SLC35F3: variants seen among roughly 807,000 people sequenced by gnomAD.
SLC35F3 encodes putative thiamine transporter SLC35F3.
Under a neutral mutation model 49.9 loss-of-function variants are expected in SLC35F3, and 25 were observed. The observed-to-expected ratio is 0.50, with a 90% CI of 0.37 to 0.70. The LOEUF (loss-of-function observed/expected upper bound fraction) is 0.70, where lower values mean the gene tolerates loss of function less well. Ranked by LOEUF, SLC35F3 falls within the 30% of genes least tolerant of loss-of-function variation. SLC35F3 has a pLI of 0.00. For synonymous variants in SLC35F3, 275 were observed against 265.4 expected, an observed-to-expected ratio of 1.04 and a Z score of -0.35; for missense variants, 525 against 639.8, an observed-to-expected ratio of 0.82 and a Z score of 1.94.
intron 2 of SLC35F3, among the ~76,000 whole-genome samples, chr1:234,145,713 G>T (rs1400938222): frequency 6.6e-6 from 1 of 152,070 alleles, no homozygotes; most frequent in African/African-American, 2.4e-5. Context: ...GTATACAGAA[G>T]ATATGCATGG....
At chr1:234,039,911 A>G (rs1664196193) in intron 2 of SLC35F3, among the ~76,000 whole-genome samples, 1 of 152,194 alleles carries the variant, frequency 6.6e-6, no homozygotes, top group Non-Finnish European at 1.5e-5. Flanking sequence ...GCAATGTGTT[A>G]TCAGCTCAGT....
At chr1:233,929,535 T>C (rs1411662482) in intron 2 of SLC35F3, among the ~76,000 whole-genome samples, 3 of 152,180 alleles carry the variant, frequency 2.0e-5, no homozygotes, top group Non-Finnish European at 2.9e-5. Context: ...CTTACCACTC[T>C]TTTTCCTTTT....
chr1:233,966,001 G>A (rs896294234), intron 2 of SLC35F3, among the ~76,000 whole-genome samples: 45 of 152,270 alleles, frequency 3.0e-4, no homozygotes, highest in African/African-American at 1.1e-3. Flanking sequence ...TCCATGGTCT[G>A]GGGCTTGGCT....
At chr1:233,929,470 C>A (rs1239257246) in intron 2 of SLC35F3, among the ~76,000 whole-genome samples, 2 of 152,172 alleles carry the variant, frequency 1.3e-5, no homozygotes, top group African/African-American at 4.8e-5. Context: ...CACTACTTTA[C>A]CCCGATCCTA....
chr1:234,018,994 A>G (rs561039119), intron 2 of SLC35F3, among the ~76,000 whole-genome samples: 1 of 152,370 alleles, frequency 6.6e-6, no homozygotes, highest in Admixed American at 6.5e-5. Flanking sequence ...TGAAGATAGA[A>G]GAGCAATGCT....
intron 2 of SLC35F3, among the ~76,000 whole-genome samples, chr1:233,910,803 C>T (rs936627408): frequency 1.3e-5 from 2 of 152,198 alleles, no homozygotes; most frequent in Non-Finnish European, 2.9e-5. Flanking sequence ...CTATTATTCA[C>T]TACAGGTTCT....
chr1:234,044,843 T>C (rs998914945), intron 2 of SLC35F3, among the ~76,000 whole-genome samples: 1 of 152,162 alleles, frequency 6.6e-6, no homozygotes, highest in African/African-American at 2.4e-5. Context: ...GTGGTAGTTA[T>C]CATATGTTTT....
intron 2 of SLC35F3, among the ~76,000 whole-genome samples, chr1:234,109,064 G>A (rs530247077): frequency 6.6e-6 from 1 of 152,098 alleles, no homozygotes; most frequent in African/African-American, 2.4e-5. Context: ...TGACCATCCT[G>A]ATAGGCAGCC....
At position 234,298,926 on chromosome 1, in the gene SLC35F3, G is replaced by A. The variant is rs566826007; in HGVS notation, c.609-10175G>A. ...CCAGGATCCAGAGTGAAGGGACACA[G>A]AGGAGGGCAGCCATACATTTGCTGG... On this transcript the variant is annotated intron_variant, in intron 3 of 7. Coordinates refer to ENST00000366618, the MANE Select transcript of SLC35F3 (RefSeq NM_173508.4). Among the ~76,000 whole-genome samples, 5 of 152,352 alleles carry A rather than the reference G, an allele frequency of 3.3e-5. No individual in the cohort carries two copies. In the South Asian group the frequency reaches 1.0e-3, roughly 32 times the overall value.
At chr1:234,103,914 C>T (rs1359282374) in intron 2 of SLC35F3, among the ~76,000 whole-genome samples, 1 of 152,152 alleles carries the variant, frequency 6.6e-6, no homozygotes, top group Non-Finnish European at 1.5e-5. Context: ...TGTTCTTTTC[C>T]CTTAGCCATG....
intron 2 of SLC35F3, among the ~76,000 whole-genome samples, chr1:234,095,499 G>C (rs1218456366): frequency 6.6e-6 from 1 of 152,202 alleles, no homozygotes; most frequent in Non-Finnish European, 1.5e-5. Context: ...GATGTGACTG[G>C]AGCCATGTTA....
chr1:234,060,452 A>T (rs1664523559), intron 2 of SLC35F3, among the ~76,000 whole-genome samples: 1 of 151,936 alleles, frequency 6.6e-6, no homozygotes, highest in African/African-American at 2.4e-5. Context: ...GTATTTATTT[A>T]TTTATTTATT....
intron 2 of SLC35F3, among the ~76,000 whole-genome samples, chr1:234,182,113 G>A (rs1300327738): frequency 1.3e-5 from 2 of 152,106 alleles, no homozygotes; most frequent in Non-Finnish European, 2.9e-5. Context: ...ATCTCCTAAA[G>A]TTAACCAGTA....
rs537762845 is a variant in SLC35F3, at chr1:234,138,626, C to A, written c.284-92791C>A. Among the ~76,000 whole-genome samples, 41 of 152,306 alleles carry A rather than the reference C, an allele frequency of 2.7e-4. 1 individual carries two copies. Among genetic ancestry groups the A allele is most frequent in the Non-Finnish European group, 3.4e-4 (23 of 68,030 alleles). On this transcript the variant is annotated intron_variant, in intron 2 of 7. Transcript: ENST00000366618. ...GCTGGAGTGCAGTCATAGCTCACGGCAGCCTTGACCTCCTGTGCACAAATG... is the reference window on the plus strand; with the variant it reads ...GCTGGAGTGCAGTCATAGCTCACGGAAGCCTTGACCTCCTGTGCACAAATG...
intron 2 of SLC35F3, among the ~76,000 whole-genome samples, chr1:234,051,039 A>G (rs1664368995): frequency 6.6e-6 from 1 of 152,204 alleles, no homozygotes. Context: ...TGGTTACTGT[A>G]GCCTGGTAGT....
chr1:234,017,436 G>A (rs544343208), intron 2 of SLC35F3, among the ~76,000 whole-genome samples: 5 of 151,900 alleles, frequency 3.3e-5, no homozygotes, highest in African/African-American at 7.2e-5. Flanking sequence ...CCTTGCAGCC[G>A]GGCGCAGTGG....
intron 2 of SLC35F3, among the ~76,000 whole-genome samples, chr1:234,104,690 T>G (rs1665258260): frequency 6.6e-6 from 1 of 152,194 alleles, no homozygotes; most frequent in Admixed American, 6.5e-5. Flanking sequence ...GAAAGAGTGG[T>G]GCATCTCAAA....
Position 233,971,601 on chromosome 1 carries a change from C to A in SLC35F3, c.283+65843C>A, listed in dbSNP as rs573718748. ...CAGCGTGGTGGTGGTAGCCTGTAAT[C>A]CCAGCTACTTGGGAGGTTGAGGCAG... On this transcript the variant is annotated intron_variant, in intron 2 of 7. Coordinates refer to ENST00000366618, the MANE Select transcript of SLC35F3 (RefSeq NM_173508.4). Among the ~76,000 whole-genome samples the A allele has an allele frequency of 1.4e-3, 214 of 152,104 alleles. 1 individual carries two copies. In the South Asian group the frequency reaches 0.022, roughly 16 times the overall value.
chr1:234,265,439 C>A (rs541965833), intron 3 of SLC35F3, among the ~76,000 whole-genome samples: 2 of 152,022 alleles, frequency 1.3e-5, no homozygotes, highest in South Asian at 4.2e-4. Flanking sequence ...TCCCTGAATG[C>A]TGGGATTATA....
Sources: allele counts gnomAD v4.1 joint callset (sites outside exome capture counted in the v4.1 genomes callset), GRCh38; gene constraint gnomAD v4.1.1; transcripts MANE v1.5; gene names NCBI Gene and HGNC (gene_info 2026-07-23, HGNC 2026-07-21).